The following SYNE2 variants were observed in gnomAD, a reference collection of about 807,000 sequenced individuals.
SYNE2 encodes the protein spectrin repeat containing nuclear envelope protein 2.
In SYNE2, 431 loss-of-function variants were observed where a neutral mutation model predicts 856.3. The observed-to-expected ratio is 0.50, with a 90% CI of 0.47 to 0.55. The LOEUF (loss-of-function observed/expected upper bound fraction) is 0.55, where lower values mean the gene tolerates loss of function less well. SYNE2 is among the 20% of genes least tolerant of loss of function. SYNE2 has a pLI of 0.00. For synonymous variants in SYNE2, 2,923 were observed against 2,872.3 expected (o/e 1.02, Z -0.56); for missense variants, 8,129 against 8,023.2 (o/e 1.01, Z -0.50).
chr14:64,058,624 C>A (rs188064951), intron 49 of SYNE2, among the ~76,000 whole-genome samples: 17 of 152,228 alleles, frequency 1.1e-4, no homozygotes, highest in African/African-American at 4.1e-4. Flanking sequence ...AGATTACAGG[C>A]ACAAGCCACC....
Position 64,070,692 on chromosome 14 carries a change from T to A in SYNE2, c.10479T>A (p.Pro3493=). ...IILDNLQEEL[P]EISKTKEAAT... ...TAGATAATCTTCAGGAAGAACTCCC[T>A]GAAATTTCCAAAACAAAAGAGGCAG... Residue 3493 remains proline (P), a synonymous_variant, in exon 52 of 116, where the codon CCT becomes CCA. Coordinates refer to ENST00000555002, the MANE Select transcript of SYNE2 (RefSeq NM_182914.3). 1 of 1,613,968 alleles carries A rather than the reference T, an allele frequency of 6.2e-7. No individual in the cohort carries two copies. The highest frequency in any genetic ancestry group is 8.5e-7 in the Non-Finnish European group (1 of 1,179,950).
chr14:63,919,847 A>G (rs2095575939), intron 2 of SYNE2, among the ~76,000 whole-genome samples: 1 of 152,176 alleles, frequency 6.6e-6, no homozygotes, highest in Admixed American at 6.5e-5. Context: ...AAGAGGTGGA[A>G]ATGGAAGCCT....
chr14:63,789,142 C>G (rs771958433), intron 1 of SYNE2, among the ~76,000 whole-genome samples: 1 of 152,194 alleles, frequency 6.6e-6, no homozygotes, highest in South Asian at 2.1e-4. Flanking sequence ...TTGTCTAAAT[C>G]TCCTTTCAAG....
intron 49 of SYNE2, among the ~76,000 whole-genome samples, chr14:64,062,072 A>G (rs2097321766): frequency 6.6e-6 from 1 of 152,154 alleles, no homozygotes; most frequent in African/African-American, 2.4e-5. Flanking sequence ...TTTTGTATGC[A>G]TAATTTTAGT....
At chr14:63,971,921 C>T (rs1372873471) in intron 11 of SYNE2, among the ~76,000 whole-genome samples, 1 of 152,182 alleles carries the variant, frequency 6.6e-6, no homozygotes, top group Non-Finnish European at 1.5e-5. Context: ...ATGACAGGAA[C>T]TGTGTGGTCC....
At chr14:63,823,669 A>T (rs898807280) in intron 1 of SYNE2, among the ~76,000 whole-genome samples, 2 of 150,874 alleles carry the variant, frequency 1.3e-5, no homozygotes, top group Admixed American at 1.3e-4. Context: ...CTGTCTCAGA[A>T]TGCACTCTCA....
At chr14:64,120,809 C>T in intron 67 of SYNE2, 118 bp from the exon 68 acceptor site, 7 of 1,096,054 alleles carry the variant, frequency 6.4e-6, no homozygotes, top group African/African-American at 1.6e-5. Flanking sequence ...TAGCAAATAA[C>T]AAAATACCAT....
chr14:64,004,046 G>A (rs759534330), intron 30 of SYNE2, among the ~76,000 whole-genome samples: 9 of 150,770 alleles, frequency 6.0e-5, no homozygotes, highest in South Asian at 2.1e-4. Flanking sequence ...CCTTCCTTTC[G>A]ACAGAGTCTT....
chr14:63,851,094 G>A (rs1890403721), upstream of SYNE2, among the ~76,000 whole-genome samples: 1 of 152,188 alleles, frequency 6.6e-6, no homozygotes, highest in African/African-American at 2.4e-5. Flanking sequence ...CGGATGCGGT[G>A]GCTCATGCCT....
chr14:63,806,885 T>G (rs940652183), intron 1 of SYNE2, among the ~76,000 whole-genome samples: 8 of 152,046 alleles, frequency 5.3e-5, no homozygotes, highest in Non-Finnish European at 1.0e-4. Flanking sequence ...ATTTTTTTTT[T>G]TTTTTCAAAA....
At position 63,929,066 on chromosome 14, in the gene SYNE2, C is replaced by T. The variant is rs189238884; in HGVS notation, c.80-11548C>T. Among the ~76,000 whole-genome samples the T allele has an allele frequency of 2.9e-3, 444 of 152,170 alleles. 1 individual carries two copies. The highest frequency in any genetic ancestry group is 9.9e-3 in the African/African-American group (409 of 41,518). ...GGCTCTGGTTCCTGACACAGAGCTCCGAAAGCCCTTGGAATTTCCTGGGTG... is the reference window on the plus strand; with the variant it reads ...GGCTCTGGTTCCTGACACAGAGCTCTGAAAGCCCTTGGAATTTCCTGGGTG... On this transcript the variant is annotated intron_variant, in intron 2 of 115. Transcript: ENST00000555002.
intron 1 of SYNE2, among the ~76,000 whole-genome samples, chr14:63,840,415 C>T (rs997852626): frequency 9.8e-5 from 7 of 71,354 alleles, no homozygotes; most frequent in Non-Finnish European, 2.4e-4. Context: ...TCCTTCCTTC[C>T]TTCCTTCCTT....
intron 1 of SYNE2, among the ~76,000 whole-genome samples, chr14:63,799,239 T>A (rs1366126282): frequency 6.6e-6 from 1 of 152,036 alleles, no homozygotes; most frequent in African/African-American, 2.4e-5. Flanking sequence ...CCACCATGCC[T>A]GGCTAATTTT....
chr14:63,888,546 G>GC (rs2095051594), intron 1 of SYNE2, among the ~76,000 whole-genome samples: 1 of 152,144 alleles, frequency 6.6e-6, no homozygotes, highest in Non-Finnish European at 1.5e-5. Flanking sequence ...ACAGCACAGA[G>GC]CTAAAGCACA....
In SYNE2 at chr14:64,080,479, A is replaced by G. The variant is rs202139207; in HGVS notation, c.11187A>G (p.Leu3729=). The G allele has an allele frequency of 1.7e-4, 267 of 1,614,206 alleles. 5 individuals carry two copies. In the South Asian group the frequency reaches 2.8e-3, roughly 17 times the overall value. ...AGAAAATGTGGGACGAGTTAGATCT[A>G]TGGCATTCCAAACTAAATGAGCTGG... ...IQKKMWDELD[L]WHSKLNELDS... The change falls in exon 56 of 116, where the codon CTA becomes CTG. Residue 3729 remains leucine, a synonymous_variant. Coordinates refer to ENST00000555002, the MANE Select transcript of SYNE2 (RefSeq NM_182914.3).
At chr14:63,919,462 A>G (rs987359970) in intron 2 of SYNE2, among the ~76,000 whole-genome samples, 1 of 152,176 alleles carries the variant, frequency 6.6e-6, no homozygotes, top group East Asian at 1.9e-4. Flanking sequence ...AAGGTTGTTG[A>G]ATTCATGGAG....
intron 11 of SYNE2, among the ~76,000 whole-genome samples, chr14:63,975,475 GGT>G (rs1435989003): frequency 6.6e-6 from 1 of 152,040 alleles, no homozygotes; most frequent in Non-Finnish European, 1.5e-5. Context: ...TGAGACTATA[GGT>G]GTGCACCACC....
intron 2 of SYNE2, among the ~76,000 whole-genome samples, chr14:63,934,080 A>G (rs892883499): frequency 2.0e-5 from 3 of 152,250 alleles, no homozygotes; most frequent in Non-Finnish European, 1.5e-5. Flanking sequence ...TTTGTTTGCC[A>G]TTAAGCAAAG....
intron 11 of SYNE2, 37 bp from the exon 12 acceptor site, chr14:63,976,526 C>G: frequency 6.3e-7 from 1 of 1,579,182 alleles, no homozygotes; most frequent in Non-Finnish European, 8.6e-7. Context: ...AAAAGTTCTA[C>G]TGAAGAATAT....
Sources: allele counts gnomAD v4.1 joint callset (sites outside exome capture counted in the v4.1 genomes callset), GRCh38; gene constraint gnomAD v4.1.1; transcripts MANE v1.5; gene names NCBI Gene and HGNC (gene_info 2026-07-23, HGNC 2026-07-21).